UBL3: variants seen among roughly 807,000 people sequenced by gnomAD.
UBL3 encodes the protein ubiquitin like 3.
UBL3 carries 6 observed loss-of-function variants against 18.4 expected under a neutral mutation model. The ratio of observed to expected loss-of-function variants is 0.33; its 90% confidence interval spans 0.18 to 0.64. The LOEUF (loss-of-function observed/expected upper bound fraction) is 0.64. Ranked by LOEUF, UBL3 falls within the 30% of genes least tolerant of loss-of-function variation. UBL3 has a pLI of 0.76. For synonymous variants in UBL3, 49 were observed against 46.6 expected (o/e 1.05, Z -0.21); for missense variants, 109 against 142.9 (o/e 0.76, Z 1.21).
intron 1 of UBL3, among the ~76,000 whole-genome samples, chr13:29,846,549 C>A (rs1237510499): frequency 6.6e-6 from 1 of 152,008 alleles, no homozygotes; most frequent in African/African-American, 2.4e-5. Context: ...ACCTACAAAA[C>A]AAAAACCAAA....
intron 1 of UBL3, among the ~76,000 whole-genome samples, chr13:29,811,537 A>C (rs145601555): frequency 1.7e-4 from 26 of 152,158 alleles, no homozygotes; most frequent in African/African-American, 6.3e-4. Context: ...AAGAAGAGAG[A>C]GCTGCGGAAG....
chr13:29,805,454 G>C (rs1426339930), intron 1 of UBL3, among the ~76,000 whole-genome samples: 1 of 152,194 alleles, frequency 6.6e-6, no homozygotes, highest in Non-Finnish European at 1.5e-5. Flanking sequence ...TGATATGTCT[G>C]TCCTCTGGGA....
chr13:29,804,098 A>C (rs977183104), intron 1 of UBL3, among the ~76,000 whole-genome samples: 5 of 151,864 alleles, frequency 3.3e-5, no homozygotes, highest in African/African-American at 9.7e-5. Context: ...AAAAAAAAAA[A>C]CCTGAAATTA....
At chr13:29,820,284 C>G (rs745473952) in intron 1 of UBL3, among the ~76,000 whole-genome samples, 7 of 148,274 alleles carry the variant, frequency 4.7e-5, no homozygotes, top group Admixed American at 6.9e-5. Flanking sequence ...TCAAGCAATT[C>G]TCTTGCCTCA....
chr13:29,779,440 T>C (rs1397238180), intron 1 of UBL3, among the ~76,000 whole-genome samples: 1 of 152,232 alleles, frequency 6.6e-6, no homozygotes, highest in Non-Finnish European at 1.5e-5. Context: ...ATGCAAATTA[T>C]GTGAACTTAA....
chr13:29,850,149 C>T lies in UBL3; in HGVS notation c.-611G>A, dbSNP rs189225117. 6.6e-6 allele frequency: 1 copy of T among 152,448 alleles called. No homozygotes were observed. The highest frequency in any genetic ancestry group is 1.5e-5 in the Non-Finnish European group (1 of 68,116). The allele number at this position is 152,448 out of a possible 1,614,324, so 9.4% of individuals were successfully genotyped here. ...GCGCCGCGGGGGCGAAGAGCCGGGCCGCGGAAACCCGCGCTCAAGGGCATT... is the reference window on the plus strand; with the variant it reads ...GCGCCGCGGGGGCGAAGAGCCGGGCTGCGGAAACCCGCGCTCAAGGGCATT... On this transcript the variant is annotated 5_prime_UTR_variant, in exon 1 of 5. Coordinates refer to ENST00000380680, the MANE Select transcript of UBL3 (RefSeq NM_007106.4).
intron 1 of UBL3, among the ~76,000 whole-genome samples, chr13:29,781,382 C>T (rs1207966530): frequency 6.6e-6 from 1 of 152,074 alleles, no homozygotes; most frequent in Non-Finnish European, 1.5e-5. Flanking sequence ...CTAATTTTCA[C>T]ATTAAGTCTG....
At chr13:29,769,802 T>A (rs1200664397) in intron 3 of UBL3, among the ~76,000 whole-genome samples, 1 of 152,080 alleles carries the variant, frequency 6.6e-6, no homozygotes, top group Non-Finnish European at 1.5e-5. Flanking sequence ...TTTAAGACAT[T>A]TGATAACCAA....
At chr13:29,829,009 T>C (rs372957373) in intron 1 of UBL3, among the ~76,000 whole-genome samples, 2 of 152,270 alleles carry the variant, frequency 1.3e-5, no homozygotes, top group East Asian at 1.9e-4. Context: ...CAAAAGCAAA[T>C]GTTGCTGCCT....
rs1876684416 is a variant in UBL3, at chr13:29,766,469, G to A, written c.*786C>T. ...TTTCTGCACAATAATGAAAGCCGAT[G>A]AGTGACTGAAACTACCCTCCCACAT... On this transcript the variant is annotated 3_prime_UTR_variant, in exon 5 of 5. Coordinates refer to ENST00000380680, the MANE Select transcript of UBL3 (RefSeq NM_007106.4). 6.6e-6 allele frequency: 1 copy of A among 152,512 alleles called. No homozygotes were observed. Among genetic ancestry groups the A allele is most frequent in the African/African-American group, 2.4e-5 (1 of 41,406 alleles). 9.4% of individuals were successfully genotyped at this position (152,512 alleles called of 1,614,324 possible). A position where few individuals can be genotyped will look rare whatever the true frequency, so the allele number is the denominator to read the frequency against.
intron 1 of UBL3, among the ~76,000 whole-genome samples, chr13:29,817,994 T>C (rs1878328397): frequency 6.6e-6 from 1 of 152,236 alleles, no homozygotes; most frequent in South Asian, 2.1e-4. Context: ...ACATAGCTCC[T>C]AGTTTAGCAA....
At chr13:29,767,767 C>G (rs1275333385) in intron 3 of UBL3, 72 bp from the exon 4 acceptor site, 3 of 1,364,736 alleles carry the variant, frequency 2.2e-6, no homozygotes, top group Non-Finnish European at 3.0e-6. Context: ...GATTTAAAAC[C>G]ATTTTAAAAA....
rs1022292590 is a variant in UBL3, at chr13:29,809,798, T to C, written c.28-32535A>G. Among the ~76,000 whole-genome samples the C allele has an allele frequency of 2.6e-5, 4 of 152,122 alleles. No homozygotes were observed. The East Asian group carries it at 7.7e-4, about 29-fold the overall frequency. On this transcript the variant is annotated intron_variant, in intron 1 of 4. Coordinates refer to ENST00000380680, the MANE Select transcript of UBL3 (RefSeq NM_007106.4). ...CACAGATAACAAAAACCAAGGACGC[T>C]CTGGTTCCTGATCTAAAATAACACA...
At chr13:29,846,279 T>C (rs1879226692) in intron 1 of UBL3, among the ~76,000 whole-genome samples, 1 of 152,152 alleles carries the variant, frequency 6.6e-6, no homozygotes, top group Non-Finnish European at 1.5e-5. Context: ...TTAAATCTAG[T>C]TCAAACTCAA....
chr13:29,764,552 T>C lies in UBL3; in HGVS notation c.*2703A>G, dbSNP rs980744061. On this transcript the variant is annotated 3_prime_UTR_variant, in exon 5 of 5. Coordinates refer to ENST00000380680, the MANE Select transcript of UBL3 (RefSeq NM_007106.4). ...ATGAGGAAACTTCATTTAACGTGAATGGTAATGTTAGATACTGTATTTTTC... is the reference window on the plus strand; with the variant it reads ...ATGAGGAAACTTCATTTAACGTGAACGGTAATGTTAGATACTGTATTTTTC... 2.2e-4 allele frequency: 33 copies of C among 152,206 alleles called. No individual in the cohort carries two copies. Among genetic ancestry groups the C allele is most frequent in the African/African-American group, 7.2e-4 (30 of 41,450 alleles). 9.4% of individuals were successfully genotyped at this position (152,206 alleles called of 1,614,324 possible).
At chr13:29,771,117 C>A (rs1056581939) in intron 3 of UBL3, among the ~76,000 whole-genome samples, 1 of 151,992 alleles carries the variant, frequency 6.6e-6, no homozygotes, top group Non-Finnish European at 1.5e-5. Flanking sequence ...AAGTGCTTAG[C>A]ACAGTGTTGG....
At chr13:29,834,490 C>CCA (rs1253336312) in intron 1 of UBL3, among the ~76,000 whole-genome samples, 1 of 152,104 alleles carries the variant, frequency 6.6e-6, no homozygotes, top group East Asian at 1.9e-4. Flanking sequence ...AGCAAATCCA[C>CCA]CACTTAAAGT....
chr13:29,796,079 A>T (rs981253857), intron 1 of UBL3, among the ~76,000 whole-genome samples: 1 of 152,162 alleles, frequency 6.6e-6, no homozygotes, highest in Non-Finnish European at 1.5e-5. Flanking sequence ...ACCGCAAAGG[A>T]AGAAGCATGT....
At chr13:29,834,356 T>C (rs1484673330) in intron 1 of UBL3, among the ~76,000 whole-genome samples, 1 of 152,000 alleles carries the variant, frequency 6.6e-6, no homozygotes, top group Non-Finnish European at 1.5e-5. Context: ...AAATGTTTTC[T>C]TCATATATGA....
Sources: gnomAD v4.1 joint callset for allele counts (sites outside exome capture counted in the v4.1 genomes callset) on GRCh38, gnomAD v4.1.1 for gene constraint, MANE v1.5 for transcripts, NCBI Gene and HGNC (gene_info 2026-07-23, HGNC 2026-07-21) for gene names.